Variants in VASH1 observed in about 807,000 individuals in gnomAD.
The protein encoded by VASH1 is vasohibin 1, also known as tubulinyl-Tyr carboxypeptidase 1.
VASH1 carries 16 observed loss-of-function variants against 35.0 expected under a neutral mutation model. That is an observed-to-expected ratio of 0.46 (90% CI 0.31 to 0.70). The LOEUF (loss-of-function observed/expected upper bound fraction) is 0.70. VASH1 is among the 30% of genes least tolerant of loss of function. The pLI is 0.05. For synonymous variants in VASH1, 214 were observed against 200.9 expected (o/e 1.07, Z -0.55); for missense variants, 505 against 510.7 (o/e 0.99, Z 0.11).
chr14:76,778,910 T>G (rs1447729917), intron 6 of VASH1, 36 bp from the exon 7 acceptor site: 1 of 1,607,256 alleles, frequency 6.2e-7, no homozygotes, highest in Non-Finnish European at 8.5e-7. Context: ...AACAGACCAC[T>G]CACTCTCCTC....
intron 1 of VASH1, among the ~76,000 whole-genome samples, chr14:76,768,701 A>G (rs887546102): frequency 9.7e-5 from 14 of 144,652 alleles, no homozygotes; most frequent in African/African-American, 3.8e-4. Context: ...TCCCCAGGAA[A>G]GGAGGAAAAG....
chr14:76,776,913 G>C (rs1270279569), intron 5 of VASH1, among the ~76,000 whole-genome samples: 2 of 149,568 alleles, frequency 1.3e-5, no homozygotes, highest in African/African-American at 4.9e-5. Context: ...AGGCAGCCTG[G>C]AGCCTCCGCC....
intron 4 of VASH1, chr14:76,773,825 T>G (rs961859649): frequency 6.6e-6 from 1 of 152,500 alleles, no homozygotes; most frequent in African/African-American, 2.4e-5. Context: ...TGGTTCTCCA[T>G]CCTAACTGGT....
intron 1 of VASH1, chr14:76,769,500 C>G (rs1893733197): frequency 7.8e-7 from 1 of 1,287,868 alleles, no homozygotes; most frequent in Admixed American, 2.3e-5. Context: ...GATGCTCACC[C>G]CCCTCAGGAC....
rs940308873 is a variant in VASH1, at chr14:76,761,768, T to C, written c.-1054T>C. Reference sequence around the variant, plus strand: ...TTCCTCCACCCTCAGCCAGGGCAGCTGCAGCCCGAGCGAACAGCCACGGAG... The same window carrying C: ...TTCCTCCACCCTCAGCCAGGGCAGCCGCAGCCCGAGCGAACAGCCACGGAG... On this transcript the variant is annotated 5_prime_UTR_variant, in exon 1 of 7. Transcript: ENST00000167106. 6.6e-6 allele frequency among the ~76,000 whole-genome samples: 1 copy of C among 151,866 alleles called. No homozygotes were observed. Among genetic ancestry groups the C allele is most frequent in the African/African-American group, 2.4e-5 (1 of 41,418 alleles).
intron 5 of VASH1, among the ~76,000 whole-genome samples, chr14:76,776,569 C>T (rs1328988916): frequency 6.6e-6 from 1 of 152,066 alleles, no homozygotes; most frequent in Non-Finnish European, 1.5e-5. Flanking sequence ...GATGGGCAGC[C>T]TCCCCACTCC....
chr14:76,766,131 G>T (rs781359529), intron 1 of VASH1, among the ~76,000 whole-genome samples: 1 of 152,302 alleles, frequency 6.6e-6, no homozygotes, highest in Non-Finnish European at 1.5e-5. Flanking sequence ...CCCAGTAATG[G>T]AGCAGGGAGT....
At chr14:76,776,785 C>G (rs1197710697) in intron 5 of VASH1, among the ~76,000 whole-genome samples, 1 of 152,100 alleles carries the variant, frequency 6.6e-6, no homozygotes, top group Non-Finnish European at 1.5e-5. Flanking sequence ...AGCTGTTGAG[C>G]CCTAGAGCCT....
At chr14:76,772,919 C>T (rs1247775272) in intron 3 of VASH1, among the ~76,000 whole-genome samples, 1 of 152,222 alleles carries the variant, frequency 6.6e-6, no homozygotes, top group African/African-American at 2.4e-5. Context: ...GAGTGGGCCT[C>T]CTTCCTATCA....
chr14:76,771,096 C>G (rs534402613), intron 2 of VASH1, 94 bp from the exon 3 acceptor site: 2 of 1,188,168 alleles, frequency 1.7e-6, no homozygotes, highest in South Asian at 3.8e-5. Flanking sequence ...CATCTCCCCT[C>G]CAGGAGACTT....
At chr14:76,778,267 C>T (rs1894002711) in intron 6 of VASH1, among the ~76,000 whole-genome samples, 196 bp downstream of exon 6, 1 of 152,100 alleles carries the variant, frequency 6.6e-6, no homozygotes, top group Admixed American at 6.5e-5. Flanking sequence ...TCTACTTCCC[C>T]AGAGAAACCA....
chr14:76,770,215 G>A (rs1370548125), intron 2 of VASH1, among the ~76,000 whole-genome samples, 164 bp downstream of exon 2: 2 of 152,200 alleles, frequency 1.3e-5, no homozygotes, highest in South Asian at 2.1e-4. Context: ...GACGCGGCGC[G>A]TGTGCCTCCT....
rs1893992864 is a variant in VASH1, at chr14:76,778,027, G to A, written c.981G>A (p.Arg327=). 1.9e-6 allele frequency: 3 copies of A among 1,541,204 alleles called. 1 individual carries two copies. The South Asian group carries it at 3.7e-5, about 19-fold the overall frequency. The change falls in exon 6 of 7, where the codon CGG becomes CGA. Residue 327 remains arginine, a synonymous_variant. Coordinates refer to ENST00000167106, the MANE Select transcript of VASH1 (RefSeq NM_014909.5). The part of the protein sequence containing the change: ...DRKKDVSSPQ[R]AQSSPHRRNS... The stretch of plus-strand genomic sequence containing the variant: ...AGAAGGATGTTTCTTCCCCGCAGCG[G>A]GCCCAGTCCAGCCCCCACCGCAGGA...
Position 76,777,970 on chromosome 14 carries a change from G to A in VASH1, c.924G>A (p.Gly308=), listed in dbSNP as rs758501496. 6.5e-7 allele frequency: 1 copy of A among 1,531,438 alleles called. No individual in the cohort carries two copies. The highest frequency in any genetic ancestry group is 1.2e-5 in the South Asian group (1 of 80,132). 94.9% of individuals were successfully genotyped at this position (1,531,438 alleles called of 1,614,324 possible). A position where few individuals can be genotyped will look rare whatever the true frequency, so the allele number is the denominator to read the frequency against. ...TCCTCTGCACCTAGATTGGCAAAGG[G>A]ACGGGCCCTCCCTCTCCCACCAAGG... ...ARDMRLKIGK[G]TGPPSPTKDR... Residue 308 remains glycine, a synonymous_variant, in exon 6 of 7, where the codon GGG becomes GGA. Coordinates refer to ENST00000167106, the MANE Select transcript of VASH1 (RefSeq NM_014909.5).
intron 4 of VASH1, 185 bp downstream of exon 4, chr14:76,773,396 G>T: frequency 3.3e-6 from 2 of 604,766 alleles, no homozygotes; most frequent in East Asian, 5.6e-5. Context: ...GAGGAGCCCC[G>T]AGGTCCCAGT....
chr14:76,774,001 A>G (rs753718968), intron 4 of VASH1: 7 of 152,264 alleles, frequency 4.6e-5, no homozygotes, highest in Admixed American at 3.9e-4. Context: ...CGTATTCTTT[A>G]CCAGCTTTTA....
rs575775111 is a variant in VASH1 at position 76,776,160 on chromosome 14, C to G, written c.799C>G (p.Pro267Ala). 6.2e-6 allele frequency: 10 copies of G among 1,610,786 alleles called. 1 individual carries two copies. In the South Asian group the frequency reaches 1.1e-4, roughly 18 times the overall value. The change falls in exon 5 of 7, where the codon CCG becomes GCG. Residue 267 changes from proline (P) to alanine (A), a missense_variant. Coordinates refer to ENST00000167106, the MANE Select transcript of VASH1 (RefSeq NM_014909.5). ...GCTGGGCCAGAGCGTGTCACACGAC[C>G]CGCACAGCGTGGAGCAGATCGAGTG... is the stretch of plus-strand genomic sequence containing the variant. ...VKLGQSVSHD[P>A]HSVEQIEWKH...
chr14:76,767,232 G>A (rs1435354202), intron 1 of VASH1, among the ~76,000 whole-genome samples: 1 of 145,500 alleles, frequency 6.9e-6, no homozygotes, highest in Non-Finnish European at 1.5e-5. Flanking sequence ...GCGACAGGGT[G>A]AAACTCTGTC....
At chr14:76,773,036 T>A in intron 3 of VASH1, 101 bp from the exon 4 acceptor site, 1 of 1,166,072 alleles carries the variant, frequency 8.6e-7, no homozygotes, top group South Asian at 1.5e-5. Context: ...GGGCAGCCTC[T>A]GTCCTTCTAG....
Sources: allele counts gnomAD v4.1 joint callset (sites outside exome capture counted in the v4.1 genomes callset), GRCh38; gene constraint gnomAD v4.1.1; transcripts MANE v1.5; gene names NCBI Gene and HGNC (gene_info 2026-07-23, HGNC 2026-07-21).